The following CLCN1 variants were observed in gnomAD, a reference collection of about 807,000 sequenced individuals.
The protein encoded by CLCN1 is chloride voltage-gated channel 1, also known as chloride channel protein 1.
Under a neutral mutation model 114.5 loss-of-function variants are expected in CLCN1, and 100 were observed. The ratio of observed to expected loss-of-function variants is 0.87; its 90% CI spans 0.74 to 1.03. CLCN1 has a LOEUF of 1.03. Ranked by LOEUF, CLCN1 falls within the 50% of genes least tolerant of loss-of-function variation. CLCN1 has a pLI of 0.00. For missense variants in CLCN1, 1,188 were observed against 1,250.0 expected, an observed-to-expected ratio of 0.95 and a Z score of 0.75; for synonymous variants, 485 against 487.1, an observed-to-expected ratio of 1.00 and a Z score of 0.06.
At position 143,321,968 on chromosome 7, in the gene CLCN1, C is replaced by A; in HGVS notation, c.696+120C>A. ...CAGGGGACAGGACCAAGGCCAGGGCCAGGGGACACTAGGAAGGGGAAATGC... is the reference window on the plus strand; with the variant it reads ...CAGGGGACAGGACCAAGGCCAGGGCAAGGGGACACTAGGAAGGGGAAATGC... On this transcript the variant is annotated intron_variant, in intron 5 of 22. Coordinates refer to ENST00000343257, the MANE Select transcript of CLCN1 (RefSeq NM_000083.3). This position sits in a 1 kb window ranked among gnomAD's most constrained non-coding sequence, Gnocchi z 4.2. The A allele has an allele frequency of 8.9e-7, 1 of 1,118,238 alleles. No homozygotes were observed. The highest frequency in any genetic ancestry group is 1.3e-6 in the Non-Finnish European group (1 of 788,788). 69.3% of individuals were successfully genotyped at this position (1,118,238 alleles called of 1,614,324 possible).
At chr7:143,326,727 G>A (rs901595875) in intron 7 of CLCN1, among the ~76,000 whole-genome samples, 4 of 152,172 alleles carry the variant, frequency 2.6e-5, no homozygotes, top group African/African-American at 9.7e-5. Context: ...CAGTAGCTGA[G>A]TATTACCAGG....
intron 12 of CLCN1, 151 bp downstream of exon 12, chr7:143,333,024 C>A: frequency 1.1e-6 from 1 of 910,512 alleles, no homozygotes; most frequent in Non-Finnish European, 1.8e-6. Flanking sequence ...GTTGGCCAGG[C>A]ATGGTGGCTC....
intron 7 of CLCN1, among the ~76,000 whole-genome samples, chr7:143,328,247 G>A (rs1046595795): frequency 6.6e-6 from 1 of 151,938 alleles, no homozygotes; most frequent in South Asian, 2.1e-4. Context: ...TGTGGCATGA[G>A]CATACATGAA....
chr7:143,323,407 T>C (rs1429826425), intron 6 of CLCN1, 21 bp downstream of exon 6: 1 of 1,558,586 alleles, frequency 6.4e-7, no homozygotes, highest in East Asian at 2.2e-5. Context: ...GACAGTGAAA[T>C]GAGCTGGGGC....
chr7:143,335,646 C>A (rs931212412), intron 12 of CLCN1, among the ~76,000 whole-genome samples: 4 of 146,032 alleles, frequency 2.7e-5, no homozygotes, highest in African/African-American at 1.0e-4. Context: ...GTAAGATTCT[C>A]AATTCAGCTG....
intron 1 of CLCN1, among the ~76,000 whole-genome samples, chr7:143,318,858 T>C (rs920014435): frequency 3.3e-5 from 5 of 152,144 alleles, no homozygotes; most frequent in Admixed American, 2.6e-4. Flanking sequence ...AGCAGGGCAA[T>C]TCATGTGCGT....
chr7:143,318,886 G>C (rs1586482063), intron 1 of CLCN1, among the ~76,000 whole-genome samples: 3 of 152,338 alleles, frequency 2.0e-5, no homozygotes, highest in Non-Finnish European at 4.4e-5. Flanking sequence ...CAGGACTGCG[G>C]TGTAAAATGC....
intron 7 of CLCN1, among the ~76,000 whole-genome samples, chr7:143,328,462 A>T (rs752707052): frequency 1.3e-5 from 2 of 152,188 alleles, no homozygotes; most frequent in Non-Finnish European, 2.9e-5. Flanking sequence ...TGCACATTTT[A>T]TGTCTGGCTC....
In CLCN1 at chr7:143,323,593, G is replaced by A. The variant is rs1490700589; in HGVS notation, c.774+207G>A. ...TTTAGCCTGTGCCTGTCCTCCAAAT[G>A]TCCACCCCTCTTTCACCTGTGGCCC... is the stretch of plus-strand genomic sequence containing the variant. On this transcript the variant is annotated intron_variant, in intron 6 of 22. Coordinates refer to ENST00000343257, the MANE Select transcript of CLCN1 (RefSeq NM_000083.3). 2.0e-5 allele frequency: 14 copies of A among 689,382 alleles called. 3 individuals are homozygous for A. The South Asian group carries it at 2.1e-4, about 10-fold the overall frequency. 42.7% of individuals were successfully genotyped at this position (689,382 alleles called of 1,614,324 possible).
chr7:143,320,165 T>C (rs980010813), intron 2 of CLCN1, among the ~76,000 whole-genome samples: 1 of 152,142 alleles, frequency 6.6e-6, no homozygotes, highest in African/African-American at 2.4e-5. Context: ...ATTTTAAAAC[T>C]TTTTTTGTAA....
chr7:143,339,764 C>T lies in CLCN1; in HGVS notation c.1582+143C>T. On this transcript the variant is annotated intron_variant, in intron 14 of 22. Coordinates refer to ENST00000343257, the MANE Select transcript of CLCN1 (RefSeq NM_000083.3). This position sits in a 1 kb window ranked among gnomAD's most constrained non-coding sequence, Gnocchi z 4.1. ...CTTAACTCAACTTTTACTCAGATAA[C>T]ATACCCATGGCTCTGACTCTCATTA... 3 of 689,190 alleles carry T rather than the reference C, an allele frequency of 4.4e-6. No homozygotes were observed. The highest frequency in any genetic ancestry group is 5.3e-6 in the Non-Finnish European group (2 of 377,640). 42.7% of individuals were successfully genotyped at this position (689,190 alleles called of 1,614,324 possible). A position where few individuals can be genotyped will look rare whatever the true frequency, so the allele number is the denominator to read the frequency against.
Position 143,346,224 on chromosome 7 carries a change from C to T in CLCN1, c.2257C>T (p.Gln753Ter). Residue 753 changes from glutamine to a stop codon, truncating the protein, a stop_gained, in exon 18 of 23, where the codon CAG (glutamine) becomes TAG (stop). Coordinates refer to ENST00000343257, the MANE Select transcript of CLCN1 (RefSeq NM_000083.3). LOFTEE classifies it high-confidence loss of function. Reference protein sequence around the residue: ...EPNGPLPGHKQQPEAPEPAGQ... With the variant: ...EPNGPLPGHK ...CAATGGGCCTCTGCCTGGCCACAAA[C>T]AGCAGCCGGAAGCACCAGAGCCTGC... 6.2e-7 allele frequency: 1 copy of T among 1,613,216 alleles called. No individual in the cohort carries two copies. The highest frequency in any genetic ancestry group is 8.5e-7 in the Non-Finnish European group (1 of 1,179,364).
chr7:143,345,851 A>T, intron 17 of CLCN1, 89 bp downstream of exon 17: 13 of 1,514,860 alleles, frequency 8.6e-6, no homozygotes, highest in South Asian at 1.2e-5. Flanking sequence ...GGGCTGGGAC[A>T]GGCGTAGTTT....
rs2293366 is a variant in CLCN1 at position 143,341,765 on chromosome 7, T to G, written c.1583-164T>G. On this transcript the variant is annotated intron_variant, in intron 14 of 22. Coordinates refer to ENST00000343257, the MANE Select transcript of CLCN1 (RefSeq NM_000083.3). ...AATGAGATCAAAATGATGATTTTTC[T>G]AAGAGTTCAGTATTCTATTCCCTAC... 7.8e-3 allele frequency among the ~76,000 whole-genome samples: 1,191 copies of G among 152,260 alleles called. 65 individuals carry two copies. In the East Asian group the frequency reaches 0.15, roughly 19 times the overall value.
intron 1 of CLCN1, among the ~76,000 whole-genome samples, chr7:143,317,583 T>TC (rs1554434012): frequency 6.6e-6 from 1 of 151,750 alleles, no homozygotes; most frequent in African/African-American, 2.4e-5. Context: ...TTCTTTCTTT[T>TC]TTTTTTTTTT....
rs750791080 is a variant in CLCN1 at position 143,339,478 on chromosome 7, G to A, written c.1472-33G>A. On this transcript the variant is annotated intron_variant, in intron 13 of 22. Coordinates refer to ENST00000343257, the MANE Select transcript of CLCN1 (RefSeq NM_000083.3). This position sits in a 1 kb window ranked among gnomAD's most constrained non-coding sequence, Gnocchi z 4.1. Reference sequence around the variant, plus strand: ...ACTGAGAGCAAGGAACTTGGATCTCGTAACACCTTCCTTCCTTTTATCTTC... The same window carrying A: ...ACTGAGAGCAAGGAACTTGGATCTCATAACACCTTCCTTCCTTTTATCTTC... 22 of 1,550,074 alleles carry A rather than the reference G, an allele frequency of 1.4e-5. No homozygotes were observed. Among genetic ancestry groups the A allele is most frequent in the South Asian group, 2.2e-5 (2 of 89,760 alleles).
rs200344297 is a variant in CLCN1 at position 143,316,332 on chromosome 7, G to A, written c.120G>A (p.Gly40=). ...CTSYGLPSEN[G]GLQHRLRKDA... Reference sequence around the variant, plus strand: ...GCTACGGACTGCCCTCTGAGAATGGGGGCCTCCAGCACAGGCTCCGGAAGG... The same window carrying A: ...GCTACGGACTGCCCTCTGAGAATGGAGGCCTCCAGCACAGGCTCCGGAAGG... The change falls in exon 1 of 23, where the codon GGG becomes GGA. Residue 40 remains glycine (G), a synonymous_variant. Transcript: ENST00000343257. The A allele has an allele frequency of 1.9e-6, 3 of 1,612,960 alleles. No homozygotes were observed. In the African/African-American group the frequency reaches 4.0e-5, roughly 22 times the overall value.
intron 12 of CLCN1, among the ~76,000 whole-genome samples, chr7:143,336,330 GAAA>G (rs5888093): frequency 4.6e-4 from 62 of 135,010 alleles, no homozygotes; most frequent in African/African-American, 1.4e-3. Context: ...TAGATCTGAA[GAAA>G]AAAAAAAAAA....
In CLCN1 at chr7:143,346,649, A is replaced by G. The variant is rs1182325091; in HGVS notation, c.2355A>G (p.Lys785=). 2 of 1,613,166 alleles carry G rather than the reference A, an allele frequency of 1.2e-6. No homozygotes were observed. Among genetic ancestry groups the G allele is most frequent in the Non-Finnish European group, 1.7e-6 (2 of 1,179,440 alleles). ...GCAGAGCTCGCCCCACAAAGAAGAAAACAACCCAGGTGAGAGGAGATGTGT... is the reference window on the plus strand; with the variant it reads ...GCAGAGCTCGCCCCACAAAGAAGAAGACAACCCAGGTGAGAGGAGATGTGT... ...LLGRARPTKK[K]TTQDSTDLVD... is the part of the protein sequence containing the mutation. Residue 785 remains lysine (K), a synonymous_variant, in exon 19 of 23, where the codon AAA becomes AAG. Transcript: ENST00000343257.
Sources: gnomAD v4.1 joint callset for allele counts (sites outside exome capture counted in the v4.1 genomes callset) on GRCh38, gnomAD v4.1.1 for gene constraint, Gnocchi (gnomAD v3.1) non-coding constraint, MANE v1.5 for transcripts, NCBI Gene and HGNC (gene_info 2026-07-23, HGNC 2026-07-21) for gene names.